The following R3HDML variants were observed in gnomAD, a reference collection of about 807,000 sequenced individuals.
The protein encoded by R3HDML is peptidase inhibitor R3HDML.
Under a neutral mutation model 24.2 loss-of-function variants are expected in R3HDML, and 21 were observed. The ratio of observed to expected loss-of-function variants is 0.87; its 90% CI spans 0.62 to 1.25. R3HDML has a LOEUF of 1.25. R3HDML is among the 50% of genes most tolerant of loss of function. The pLI is 0.00. For missense variants in R3HDML, 301 were observed against 340.3 expected (o/e 0.88, Z 0.91); for synonymous variants, 133 against 131.5 (o/e 1.01, Z -0.08).
chr20:44,345,843 G>A (rs1036887494), intron 4 of R3HDML, among the ~76,000 whole-genome samples: 1 of 124,260 alleles, frequency 8.0e-6, no homozygotes, highest in African/African-American at 2.7e-5. Flanking sequence ...TTTTTGAGAA[G>A]AGGCCTTGCT....
intron 1 of R3HDML, among the ~76,000 whole-genome samples, chr20:44,340,049 G>C (rs2062768032): frequency 6.6e-6 from 1 of 151,992 alleles, no homozygotes; most frequent in Non-Finnish European, 1.5e-5. Flanking sequence ...CGGTCTCCCA[G>C]GTTCAAGCGA....
At chr20:44,349,716 G>C (rs901645878) in intron 4 of R3HDML, among the ~76,000 whole-genome samples, 1 of 152,234 alleles carries the variant, frequency 6.6e-6, no homozygotes, top group African/African-American at 2.4e-5. Context: ...CCAGTGGTGA[G>C]ATTATTAGGC....
chr20:44,338,785 C>CAG lies in R3HDML; in HGVS notation c.261+1372_261+1373dup, dbSNP rs201154692. Among the ~76,000 whole-genome samples the CAG allele has an allele frequency of 2.9e-3, 443 of 152,252 alleles. 4 individuals are homozygous for CAG. Among genetic ancestry groups the CAG allele is most frequent in the African/African-American group, 1.0e-2 (415 of 41,572 alleles). On this transcript the variant is annotated intron_variant, in intron 1 of 4. Transcript: ENST00000217043. ...CTCTGCTCTCCCTAAAAGACTGAGC[C>CAG]AGAGAGCCGGGCGCAGTGGCTCACG...
chr20:44,341,145 T>C, intron 1 of R3HDML, 51 bp from the exon 2 acceptor site: 3 of 1,468,872 alleles, frequency 2.0e-6, no homozygotes, highest in Non-Finnish European at 2.8e-6. Context: ...GACACAGTTG[T>C]GACGATGGTG....
In R3HDML at chr20:44,350,908, CT is replaced by C. The variant is rs1202564832; in HGVS notation, c.*117del. The stretch of plus-strand genomic sequence containing the variant: ...AAAGGATATGAGTTAGAATCACCCC[CT>C]GTTGAATTTTCCCTCCTAGATCCCC... On this transcript the variant is annotated 3_prime_UTR_variant, in exon 5 of 5. Transcript: ENST00000217043. 3 of 1,271,270 alleles carry C rather than the reference CT, an allele frequency of 2.4e-6. No individual in the cohort carries two copies. In the Admixed American group the frequency reaches 7.3e-5, roughly 31 times the overall value. The allele number at this position is 1,271,270 out of a possible 1,614,324, so 78.7% of individuals were successfully genotyped here.
At position 44,337,178 on chromosome 20, in the gene R3HDML, C is replaced by T. The variant is rs752727812; in HGVS notation, c.21C>T (p.Thr7=). Residue 7 remains threonine (T), a synonymous_variant, in exon 1 of 5, where the codon ACC becomes ACT. Transcript: ENST00000217043. This position sits in a 1 kb window ranked among gnomAD's most constrained non-coding sequence, Gnocchi z 4.7. MPLLPS[T]VGLAGLLFWA... is the part of the protein sequence containing the mutation. The stretch of plus-strand genomic sequence containing the variant: ...CAGCTATGCCCCTGCTGCCCAGCAC[C>T]GTGGGCCTGGCAGGCCTGCTCTTCT... The T allele has an allele frequency of 1.9e-6, 3 of 1,613,336 alleles. No homozygotes were observed. The highest frequency in any genetic ancestry group is 2.2e-5 in the East Asian group (1 of 44,884).
In R3HDML at chr20:44,337,224, G is replaced by A. The variant is rs535714706; in HGVS notation, c.67G>A (p.Ala23Thr). The A allele has an allele frequency of 4.8e-5, 77 of 1,613,780 alleles. No individual in the cohort carries two copies. Among genetic ancestry groups the A allele is most frequent in the East Asian group, 6.7e-5 (3 of 44,878 alleles). ...CTTCTGGGCTGGCCAGGCAGTGAAC[G>A]CCTTGATAATGCCTAATGCTACCCC... Reference protein sequence around the residue: ...LLFWAGQAVNALIMPNATPAP... With the variant: ...LLFWAGQAVNTLIMPNATPAP... The change falls in exon 1 of 5, where the codon GCC (alanine) becomes ACC (threonine). Residue 23 changes from alanine (A) to threonine (T), a missense_variant. By Grantham distance (58) the Ala-to-Thr change is moderately conservative (BLOSUM62 0). Transcript: ENST00000217043. This position sits in a 1 kb window ranked among gnomAD's most constrained non-coding sequence, Gnocchi z 4.7.
In R3HDML at chr20:44,337,176, A is replaced by G; in HGVS notation, c.19A>G (p.Thr7Ala). ...TCCAGCTATGCCCCTGCTGCCCAGCACCGTGGGCCTGGCAGGCCTGCTCTT... is the reference window on the plus strand; with the variant it reads ...TCCAGCTATGCCCCTGCTGCCCAGCGCCGTGGGCCTGGCAGGCCTGCTCTT... MPLLPS[T>A]VGLAGLLFWA... Residue 7 changes from threonine (T) to alanine (A), a missense_variant, in exon 1 of 5, where the codon ACC (threonine) becomes GCC (alanine). Coordinates refer to ENST00000217043, the MANE Select transcript of R3HDML (RefSeq NM_178491.4). This position sits in a 1 kb window ranked among gnomAD's most constrained non-coding sequence, Gnocchi z 4.7. 6.2e-7 allele frequency: 1 copy of G among 1,613,356 alleles called. No homozygotes were observed. The highest frequency in any genetic ancestry group is 1.3e-5 in the African/African-American group (1 of 75,040).
rs777264582 is a variant in R3HDML at position 44,337,378 on chromosome 20, G to A, written c.221G>A (p.Arg74Gln). 1.2e-5 allele frequency: 19 copies of A among 1,614,008 alleles called. No individual in the cohort carries two copies. The highest frequency in any genetic ancestry group is 4.5e-5 in the East Asian group (2 of 44,896). The change falls in exon 1 of 5, where the codon CGG becomes CAG. Residue 74 changes from arginine (R) to glutamine (Q), a missense_variant. Arg to Gln is a conservative substitution (Grantham distance 43, BLOSUM62 1). Transcript: ENST00000217043. This position sits in a 1 kb window ranked among gnomAD's most constrained non-coding sequence, Gnocchi z 4.7. ...NALLDYHNHI[R>Q]ASVYPPAANM... ...TTACTGGATTATCACAACCACATCC[G>A]GGCCAGTGTGTACCCACCTGCCGCC...
chr20:44,348,007 G>C (rs535552041), intron 4 of R3HDML, among the ~76,000 whole-genome samples: 20 of 137,660 alleles, frequency 1.5e-4, no homozygotes, highest in Admixed American at 1.3e-3. Context: ...GTGTTACCTA[G>C]GCTCGGAAGT....
intron 1 of R3HDML, among the ~76,000 whole-genome samples, chr20:44,338,364 C>T (rs915802650): frequency 2.6e-5 from 4 of 152,106 alleles, no homozygotes; most frequent in African/African-American, 4.8e-5. Flanking sequence ...CCTTCCTTCA[C>T]GAAGGTGACA....
At chr20:44,340,380 CTGT>C (rs1466484988) in intron 1 of R3HDML, among the ~76,000 whole-genome samples, 1 of 152,214 alleles carries the variant, frequency 6.6e-6, no homozygotes, top group Non-Finnish European at 1.5e-5. Context: ...GCGTGAACCA[CTGT>C]GCCCAAGCGG....
At chr20:44,350,550 C>T in intron 4 of R3HDML, 110 bp from the exon 5 acceptor site, 1 of 984,536 alleles carries the variant, frequency 1.0e-6, no homozygotes, top group African/African-American at 1.7e-5. Flanking sequence ...GCAGATGTGA[C>T]TTGCCCCAGG....
chr20:44,340,610 C>T (rs1259623571), intron 1 of R3HDML, among the ~76,000 whole-genome samples: 1 of 152,086 alleles, frequency 6.6e-6, no homozygotes, highest in Non-Finnish European at 1.5e-5. Flanking sequence ...GCCTGGGCAA[C>T]ATGGCAAAAC....
rs536471812 is a variant in R3HDML at position 44,345,125 on chromosome 20, C to T, written c.514-138C>T. ...CATCATGTTACAATATAAATGCCTC[C>T]GTTTCCTCCCCCAACACCTTGGAAC... On this transcript the variant is annotated intron_variant, in intron 3 of 4. Coordinates refer to ENST00000217043, the MANE Select transcript of R3HDML (RefSeq NM_178491.4). The T allele has an allele frequency of 4.3e-6, 3 of 690,842 alleles. No homozygotes were observed. In the South Asian group the frequency reaches 5.0e-5, roughly 11 times the overall value. The allele number at this position is 690,842 out of a possible 1,614,324, so 42.8% of individuals were successfully genotyped here.
chr20:44,345,126 G>A (rs757010211), intron 3 of R3HDML, 137 bp from the exon 4 acceptor site: 32 of 696,054 alleles, frequency 4.6e-5, no homozygotes, highest in South Asian at 4.2e-4. Context: ...AAATGCCTCC[G>A]TTTCCTCCCC....
In R3HDML at chr20:44,337,263, C is replaced by A; in HGVS notation, c.106C>A (p.Pro36Thr). Reference sequence around the variant, plus strand: ...TAATGCTACCCCAGCCCCGGCCCAGCCCGAGAGCACGGCTATGCGGCTCCT... The same window carrying A: ...TAATGCTACCCCAGCCCCGGCCCAGACCGAGAGCACGGCTATGCGGCTCCT... ...MPNATPAPAQ[P>T]ESTAMRLLSG... The change falls in exon 1 of 5, where the codon CCC becomes ACC. Residue 36 changes from proline to threonine, a missense_variant. Pro to Thr is a conservative substitution (Grantham distance 38, BLOSUM62 -1). Coordinates refer to ENST00000217043, the MANE Select transcript of R3HDML (RefSeq NM_178491.4). This position sits in a 1 kb window ranked among gnomAD's most constrained non-coding sequence, Gnocchi z 4.7. The A allele has an allele frequency of 6.2e-7, 1 of 1,614,184 alleles. No individual in the cohort carries two copies. Among genetic ancestry groups the A allele is most frequent in the South Asian group, 1.1e-5 (1 of 91,090 alleles).
intron 4 of R3HDML, chr20:44,347,886 C>CGT (rs1456457113): frequency 6.6e-6 from 1 of 151,596 alleles, no homozygotes; most frequent in Non-Finnish European, 1.5e-5. Flanking sequence ...CAATGTGTCA[C>CGT]GTTACAGCCC....
intron 4 of R3HDML, among the ~76,000 whole-genome samples, chr20:44,348,538 T>TA (rs2062797604): frequency 6.6e-6 from 1 of 150,600 alleles, no homozygotes; most frequent in South Asian, 2.1e-4. Context: ...TGTCCAGCTC[T>TA]GTCACCCAGG....
Sources: gnomAD v4.1 joint callset for allele counts (sites outside exome capture counted in the v4.1 genomes callset) on GRCh38, gnomAD v4.1.1 for gene constraint, Gnocchi (gnomAD v3.1) non-coding constraint, MANE v1.5 for transcripts, NCBI Gene and HGNC (gene_info 2026-07-23, HGNC 2026-07-21) for gene names.